Variants in NFYC observed in about 807,000 individuals in gnomAD.
The protein encoded by NFYC is CAAT box DNA-binding protein subunit C.
Under a neutral mutation model 53.1 loss-of-function variants are expected in NFYC, and 25 were observed. The ratio of observed to expected loss-of-function variants is 0.47; its 90% CI spans 0.34 to 0.66. The LOEUF (loss-of-function observed/expected upper bound fraction) is 0.66. Ranked by LOEUF, NFYC falls within the 30% of genes least tolerant of loss-of-function variation. NFYC has a pLI of 0.01. For synonymous variants in NFYC, 145 were observed against 152.6 expected, an observed-to-expected ratio of 0.95 and a Z score of 0.37; for missense variants, 260 against 422.7, an observed-to-expected ratio of 0.62 and a Z score of 3.38.
intron 1 of NFYC, chr1:40,721,590 C>G (rs1426023882): frequency 6.6e-6 from 1 of 152,002 alleles, no homozygotes; most frequent in Non-Finnish European, 1.5e-5. Flanking sequence ...GATACAGGGT[C>G]TCACTCTGTT....
chr1:40,766,636 C>A lies in NFYC; in HGVS notation c.761C>A (p.Ala254Asp). 1 of 1,614,120 alleles carries A rather than the reference C, an allele frequency of 6.2e-7. No individual in the cohort carries two copies. Among genetic ancestry groups the A allele is most frequent in the Non-Finnish European group, 8.5e-7 (1 of 1,180,014 alleles). The change falls in exon 8 of 10, where the codon GCC becomes GAC. Residue 254 changes from alanine to aspartate, a missense_variant. Transcript: ENST00000447388. The stretch of plus-strand genomic sequence containing the variant: ...GGCCAGCTGCAGTATATCCGCTTAG[C>A]CCAGCCTGTATCAGGCACTCAAGTT... ...NAGQLQYIRL[A>D]QPVSGTQVVQ...
intron 1 of NFYC, among the ~76,000 whole-genome samples, chr1:40,713,862 CA>C (rs1644026250): frequency 6.6e-6 from 1 of 152,254 alleles, no homozygotes; most frequent in South Asian, 2.1e-4. Context: ...ATAGAAGGAA[CA>C]GAGAAAATGT....
At chr1:40,699,667 C>T (rs1195762591) in intron 1 of NFYC, among the ~76,000 whole-genome samples, 2 of 152,086 alleles carry the variant, frequency 1.3e-5, no homozygotes, top group African/African-American at 2.4e-5. Flanking sequence ...GAAAGGAAAA[C>T]GCCATAATGT....
chr1:40,755,951 C>T (rs1458028854), intron 5 of NFYC, among the ~76,000 whole-genome samples: 2 of 152,102 alleles, frequency 1.3e-5, no homozygotes, highest in Non-Finnish European at 2.9e-5. Context: ...TTGGGGATAA[C>T]TGGAGACTAA....
chr1:40,725,017 G>C (rs942512438), intron 1 of NFYC, among the ~76,000 whole-genome samples: 2 of 152,170 alleles, frequency 1.3e-5, no homozygotes, highest in Admixed American at 1.3e-4. Flanking sequence ...GGGAAGTAGA[G>C]CTATGTTATT....
intron 1 of NFYC, among the ~76,000 whole-genome samples, chr1:40,696,053 C>T (rs568509460): frequency 1.5e-3 from 210 of 144,632 alleles, no homozygotes; most frequent in African/African-American, 5.1e-3. Context: ...GATAGAGTCT[C>T]GCACTGTTTC....
rs1220492662 is a variant in NFYC at position 40,691,883 on chromosome 1, G to A, written c.-9+16G>A. On this transcript the variant is annotated intron_variant, in intron 1 of 9. Transcript: ENST00000447388. The stretch of plus-strand genomic sequence containing the variant: ...CTGAGCAGAGGTGTGTGAGTGTGCG[G>A]GAGTTTCTGTGCGAGGGTGATAGGG... The A allele has an allele frequency of 7.8e-6, 3 of 385,218 alleles. No individual in the cohort carries two copies. The highest frequency in any genetic ancestry group is 4.3e-5 in the African/African-American group (2 of 46,220). 23.9% of individuals were successfully genotyped at this position (385,218 alleles called of 1,614,324 possible).
chr1:40,755,399 A>G (rs1175110313), intron 5 of NFYC, among the ~76,000 whole-genome samples: 1 of 152,236 alleles, frequency 6.6e-6, no homozygotes, highest in Non-Finnish European at 1.5e-5. Context: ...GGGAAAAGGA[A>G]CTAGTCAGAA....
chr1:40,736,454 T>C (rs761806889), intron 1 of NFYC, among the ~76,000 whole-genome samples: 6 of 152,216 alleles, frequency 3.9e-5, no homozygotes, highest in Non-Finnish European at 8.8e-5. Context: ...AGTCTGGTCA[T>C]GTGACAACTG....
intron 1 of NFYC, among the ~76,000 whole-genome samples, chr1:40,732,542 C>T (rs1644820934): frequency 6.6e-6 from 1 of 152,202 alleles, no homozygotes; most frequent in Admixed American, 6.5e-5. Flanking sequence ...ATAAGAGTAA[C>T]AGCTAGATTG....
At chr1:40,713,697 C>A (rs560639238) in intron 1 of NFYC, among the ~76,000 whole-genome samples, 1 of 152,210 alleles carries the variant, frequency 6.6e-6, no homozygotes, top group Non-Finnish European at 1.5e-5. Flanking sequence ...TAATCCAAGT[C>A]TTTCAGCTTT....
intron 1 of NFYC, among the ~76,000 whole-genome samples, chr1:40,711,396 A>G (rs1314555784): frequency 6.6e-6 from 1 of 152,220 alleles, no homozygotes; most frequent in African/African-American, 2.4e-5. Context: ...GATTATATAT[A>G]TGATTTTAAA....
At chr1:40,747,141 C>A (rs556288308) in intron 2 of NFYC, among the ~76,000 whole-genome samples, 4 of 152,014 alleles carry the variant, frequency 2.6e-5, no homozygotes, top group Admixed American at 2.6e-4. Context: ...TAGAGGAATA[C>A]CCCTGAGACA....
chr1:40,739,711 G>A (rs563278140), intron 2 of NFYC, among the ~76,000 whole-genome samples: 15 of 152,324 alleles, frequency 9.8e-5, no homozygotes, highest in Non-Finnish European at 1.6e-4. Flanking sequence ...TATTTACTAA[G>A]TACTTACTGA....
intron 1 of NFYC, among the ~76,000 whole-genome samples, chr1:40,733,037 AAG>A (rs1290707821): frequency 8.2e-6 from 1 of 122,354 alleles, no homozygotes; most frequent in Non-Finnish European, 1.6e-5. Context: ...TTTTTCCTGA[AAG>A]GCCATACCCA....
chr1:40,749,700 CTT>C lies in NFYC; in HGVS notation c.291+15_291+16del. On this transcript the variant is annotated intron_variant, in intron 4 of 9. Coordinates refer to ENST00000447388, the MANE Select transcript of NFYC (RefSeq NM_014223.5). Reference sequence around the variant, plus strand: ...CGGACTCTACAGGTATTATTGCAGACTTAGATTAGGAAAACTGGGGTAAGCAG... The same window carrying C: ...CGGACTCTACAGGTATTATTGCAGACAGATTAGGAAAACTGGGGTAAGCAG... 6.2e-7 allele frequency: 1 copy of C among 1,606,080 alleles called. No individual in the cohort carries two copies. Among genetic ancestry groups the C allele is most frequent in the African/African-American group, 1.3e-5 (1 of 74,888 alleles).
chr1:40,722,130 T>C (rs1217320070), intron 1 of NFYC, among the ~76,000 whole-genome samples: 1 of 152,042 alleles, frequency 6.6e-6, no homozygotes, highest in East Asian at 1.9e-4. Context: ...AAGATCATGC[T>C]ACTGCATTCC....
chr1:40,717,287 CT>C (rs1403133334), intron 1 of NFYC, among the ~76,000 whole-genome samples: 2 of 151,138 alleles, frequency 1.3e-5, no homozygotes, highest in African/African-American at 4.8e-5. Context: ...GCTCTCTAAG[CT>C]TTTTTTGGTT....
At chr1:40,736,604 C>G (rs1046257691) in intron 1 of NFYC, among the ~76,000 whole-genome samples, 4 of 152,260 alleles carry the variant, frequency 2.6e-5, no homozygotes, top group Admixed American at 6.5e-5. Flanking sequence ...CACTAAATTT[C>G]TCCATTCTTT....
Sources: allele counts gnomAD v4.1 joint callset (sites outside exome capture counted in the v4.1 genomes callset), GRCh38; gene constraint gnomAD v4.1.1; transcripts MANE v1.5; gene names NCBI Gene and HGNC (gene_info 2026-07-23, HGNC 2026-07-21).